PKIB: variants seen among roughly 807,000 people sequenced by gnomAD.
PKIB encodes the protein cAMP-dependent protein kinase inhibitor beta, also known as PKI-beta.
Under a neutral mutation model 4.5 loss-of-function variants are expected in PKIB, and 2 were observed. The ratio of observed to expected loss-of-function variants is 0.44; its 90% CI spans 0.18 to 1.39. The LOEUF is 1.39. PKIB is among the 40% of genes most tolerant of loss of function. PKIB has a pLI of 0.27. For synonymous variants in PKIB, 38 were observed against 36.0 expected (o/e 1.06, Z -0.20); for missense variants, 94 against 92.6 (o/e 1.02, Z -0.06).
chr6:122,612,322 G>T (rs1774792915), intron 1 of PKIB, among the ~76,000 whole-genome samples: 1 of 151,980 alleles, frequency 6.6e-6, no homozygotes, highest in Non-Finnish European at 1.5e-5. Flanking sequence ...TAGAAAATTT[G>T]TTAATTTTCT....
At chr6:122,588,932 A>G (rs1301645241) in intron 3 of PKIB, among the ~76,000 whole-genome samples, 1 of 152,166 alleles carries the variant, frequency 6.6e-6, no homozygotes, top group Non-Finnish European at 1.5e-5. Context: ...TCCCACTGCA[A>G]TGTGTTTTCC....
intron 2 of PKIB, among the ~76,000 whole-genome samples, chr6:122,674,466 AC>A (rs1469360611): frequency 6.6e-6 from 1 of 152,078 alleles, no homozygotes; most frequent in African/African-American, 2.4e-5. Context: ...ATTATTTTTC[AC>A]CCTTCTTATG....
intron 2 of PKIB, among the ~76,000 whole-genome samples, chr6:122,647,762 T>G (rs1402724455): frequency 6.6e-6 from 1 of 152,230 alleles, no homozygotes; most frequent in Non-Finnish European, 1.5e-5. Context: ...ATTTACAGAA[T>G]TGCTTCTAGA....
At chr6:122,508,737 A>G (rs535822299) in intron 2 of PKIB, among the ~76,000 whole-genome samples, 214 of 152,214 alleles carry the variant, frequency 1.4e-3, no homozygotes, top group African/African-American at 5.0e-3. Flanking sequence ...TTGAAACAAT[A>G]TTAACTGGCT....
At chr6:122,622,228 A>T (rs1775264438) in intron 1 of PKIB, among the ~76,000 whole-genome samples, 1 of 152,230 alleles carries the variant, frequency 6.6e-6, no homozygotes, top group South Asian at 2.1e-4. Flanking sequence ...GTGTTAGCAC[A>T]AACTCGGTAA....
At chr6:122,646,304 C>T (rs961896593) in intron 2 of PKIB, among the ~76,000 whole-genome samples, 19 of 152,094 alleles carry the variant, frequency 1.2e-4, no homozygotes, top group African/African-American at 4.3e-4. Flanking sequence ...ATATCAGCCC[C>T]AGTTACATTA....
At chr6:122,690,889 T>C (rs1004056049) in intron 3 of PKIB, among the ~76,000 whole-genome samples, 1 of 149,584 alleles carries the variant, frequency 6.7e-6, no homozygotes, top group Non-Finnish European at 1.5e-5. Flanking sequence ...TCTGGAAATG[T>C]CCTTATTTCT....
chr6:122,552,625 G>A (rs1053003905), intron 2 of PKIB, among the ~76,000 whole-genome samples: 16 of 152,010 alleles, frequency 1.1e-4, no homozygotes, highest in African/African-American at 1.2e-4. Context: ...TGATCTGCCC[G>A]CCTTGGCCTC....
rs539836594 is a variant in PKIB, at chr6:122,642,877, T to A, written c.-76+9510T>A. Among the ~76,000 whole-genome samples the A allele has an allele frequency of 3.3e-5, 5 of 152,338 alleles. No individual in the cohort carries two copies. In the East Asian group the frequency reaches 9.6e-4, roughly 29 times the overall value. ...TTCATAGTCAAGGTGATATTACTAT[T>A]GTATCACTATGATTCATGGTGTTAG... is the stretch of plus-strand genomic sequence containing the variant. On this transcript the variant is annotated intron_variant, in intron 2 of 4. Transcript: ENST00000368452.
intron 2 of PKIB, among the ~76,000 whole-genome samples, chr6:122,573,703 A>C (rs1305935457): frequency 6.6e-6 from 1 of 152,300 alleles, no homozygotes; most frequent in Non-Finnish European, 1.5e-5. Context: ...CAGAAAAAGC[A>C]TTTGACAAAA....
chr6:122,541,126 C>G (rs1307201186), intron 2 of PKIB, among the ~76,000 whole-genome samples: 7 of 151,578 alleles, frequency 4.6e-5, no homozygotes, highest in African/African-American at 1.5e-4. Flanking sequence ...TGGGTCTTGA[C>G]TCTTTATCCA....
chr6:122,654,665 A>G (rs749474776), intron 2 of PKIB, among the ~76,000 whole-genome samples: 4 of 152,178 alleles, frequency 2.6e-5, no homozygotes, highest in Non-Finnish European at 5.9e-5. Flanking sequence ...TCTATCCTCA[A>G]CTTTCAAAAA....
At chr6:122,625,352 T>C (rs1466444244) in intron 1 of PKIB, among the ~76,000 whole-genome samples, 1 of 152,246 alleles carries the variant, frequency 6.6e-6, no homozygotes, top group Non-Finnish European at 1.5e-5. Flanking sequence ...TTAAATCAAC[T>C]AGTCTAGTTC....
intron 3 of PKIB, among the ~76,000 whole-genome samples, chr6:122,601,550 G>A (rs569358867): frequency 3.9e-5 from 6 of 152,054 alleles, no homozygotes; most frequent in Non-Finnish European, 7.4e-5. Context: ...CCACTTATCT[G>A]TAGAGTTTCT....
intron 2 of PKIB, among the ~76,000 whole-genome samples, chr6:122,506,089 T>G (rs1387590121): frequency 6.6e-6 from 1 of 152,156 alleles, no homozygotes; most frequent in Non-Finnish European, 1.5e-5. Flanking sequence ...TTTAACATTT[T>G]TGTGACCATA....
chr6:122,551,579 GA>G (rs1399269511), intron 2 of PKIB, among the ~76,000 whole-genome samples: 1 of 151,792 alleles, frequency 6.6e-6, no homozygotes, highest in Non-Finnish European at 1.5e-5. Flanking sequence ...GCTTTCCTTT[GA>G]TTTCCCCTTA....
chr6:122,628,939 A>G (rs1775578407), intron 1 of PKIB, among the ~76,000 whole-genome samples: 1 of 152,190 alleles, frequency 6.6e-6, no homozygotes, highest in Admixed American at 6.5e-5. Context: ...GGGAAAGCTG[A>G]TTCCATGGGG....
chr6:122,577,193 A>G (rs1430809345), intron 2 of PKIB, among the ~76,000 whole-genome samples: 2 of 152,218 alleles, frequency 1.3e-5, no homozygotes, highest in Non-Finnish European at 2.9e-5. Context: ...GCATTTAGCC[A>G]AATAGTATCA....
chr6:122,655,218 AAAATGTGGCAC>A (rs2114893264), intron 2 of PKIB, among the ~76,000 whole-genome samples: 1 of 152,336 alleles, frequency 6.6e-6, no homozygotes, highest in South Asian at 2.1e-4. Flanking sequence ...TGAGGGCCTA[AAAATGTGGCAC>A]AAAAAATGGA....
Sources: gnomAD v4.1 joint callset for allele counts (sites outside exome capture counted in the v4.1 genomes callset) on GRCh38, gnomAD v4.1.1 for gene constraint, MANE v1.5 for transcripts, NCBI Gene and HGNC (gene_info 2026-07-23, HGNC 2026-07-21) for gene names.